Variants in SPATA33 observed in about 807,000 individuals in gnomAD.
SPATA33 encodes spermatogenesis-associated protein 33.
In SPATA33, 10 loss-of-function variants were observed where a neutral mutation model predicts 8.9. The ratio of observed to expected loss-of-function variants is 1.12; its 90% CI spans 0.69 to 1.90. The LOEUF is 1.90. Ranked by LOEUF, SPATA33 falls within the 40% of genes most tolerant of loss-of-function variation. SPATA33 has a pLI of 0.00. For synonymous variants in SPATA33, 96 were observed against 72.8 expected, an observed-to-expected ratio of 1.32 and a Z score of -1.63; for missense variants, 241 against 178.3, an observed-to-expected ratio of 1.35 and a Z score of -2.00.
Position 89,669,495 on chromosome 16 carries a change from T to C in SPATA33, c.421T>C (p.Ter141GlnextTer66), listed in dbSNP as rs1181524453. The C allele has an allele frequency of 6.2e-7, 1 of 1,612,200 alleles. No individual in the cohort carries two copies. The highest frequency in any genetic ancestry group is 1.1e-5 in the South Asian group (1 of 90,994). Residue 141 changes from the stop codon to glutamine (Q), a stop_lost, in exon 3 of 3, where the codon TAA becomes CAA. Transcript: ENST00000579310. ...ADAYNSHLKE[*>Q] ...CGCCTATAATTCACATCTCAAAGAA[T>C]AAACAAGCACCTTTGCATGGCACTC...
chr16:89,659,816 G>A (rs1401112834), intron 2 of SPATA33: 1 of 152,286 alleles, frequency 6.6e-6, no homozygotes, highest in Non-Finnish European at 1.5e-5. Flanking sequence ...GTAGGATCAA[G>A]GGCTGAAAGT....
At chr16:89,663,521 A>G (rs1436334837) in intron 2 of SPATA33, among the ~76,000 whole-genome samples, 1 of 152,234 alleles carries the variant, frequency 6.6e-6, no homozygotes, top group Admixed American at 6.5e-5. Flanking sequence ...CTAGGATTAC[A>G]GGCGTGAGCC....
intron 2 of SPATA33, among the ~76,000 whole-genome samples, chr16:89,668,524 A>G (rs1160741563): frequency 6.6e-6 from 1 of 152,218 alleles, no homozygotes; most frequent in East Asian, 1.9e-4. Context: ...CTGCTCTCCC[A>G]GAAGCCTGAA....
At chr16:89,665,099 G>A (rs534785074) in intron 2 of SPATA33, among the ~76,000 whole-genome samples, 1 of 151,514 alleles carries the variant, frequency 6.6e-6, no homozygotes, top group South Asian at 2.1e-4. Context: ...GGGCTCAAAC[G>A]ATTCTCCCAC....
At chr16:89,668,509 C>T (rs80164364) in intron 2 of SPATA33, among the ~76,000 whole-genome samples, 8,458 of 152,270 alleles carry the variant, frequency 0.056, 321 homozygotes, top group Middle Eastern at 0.14. Context: ...AGAGCCAGCT[C>T]CATCCTGCTC....
intron 2 of SPATA33, chr16:89,659,727 G>T (rs1250712584): frequency 1.3e-5 from 2 of 152,400 alleles, no homozygotes; most frequent in African/African-American, 4.8e-5. Context: ...ACTCGGGTCA[G>T]ACAAGAAAGA....
chr16:89,660,417 C>A, intron 2 of SPATA33: 1 of 1,209,930 alleles, frequency 8.3e-7, no homozygotes, highest in Non-Finnish European at 1.0e-6. Context: ...GTTGGAAGGG[C>A]CCCAGCAGTG....
intron 2 of SPATA33, among the ~76,000 whole-genome samples, chr16:89,662,323 C>G (rs749350228): frequency 3.3e-5 from 5 of 150,204 alleles, no homozygotes; most frequent in African/African-American, 1.2e-4. Flanking sequence ...AGGAAAAAAA[C>G]GAAGAAAGAA....
At chr16:89,667,755 A>T (rs1215074485) in intron 2 of SPATA33, among the ~76,000 whole-genome samples, 1 of 152,260 alleles carries the variant, frequency 6.6e-6, no homozygotes, top group African/African-American at 2.4e-5. Context: ...GCAGCACTGC[A>T]GGCAGAGGGG....
rs1215492350 is a variant in SPATA33, at chr16:89,669,440, C to T, written c.366C>T (p.Tyr122=). 2 of 1,613,910 alleles carry T rather than the reference C, an allele frequency of 1.2e-6. No homozygotes were observed. The highest frequency in any genetic ancestry group is 1.3e-5 in the African/African-American group (1 of 75,036). Residue 122 remains tyrosine, a synonymous_variant, in exon 3 of 3, where the codon TAC becomes TAT. Transcript: ENST00000579310. ...GGGAGCCGGAGGACTGGGGCCCCTACCGGCGGCACAGGAACCCCAGTACAG... is the reference window on the plus strand; with the variant it reads ...GGGAGCCGGAGGACTGGGGCCCCTATCGGCGGCACAGGAACCCCAGTACAG... The part of the protein sequence containing the change: ...TIREPEDWGP[Y]RRHRNPSTAD...
chr16:89,667,770 C>A (rs1269375858), intron 2 of SPATA33, among the ~76,000 whole-genome samples: 1 of 152,224 alleles, frequency 6.6e-6, no homozygotes, highest in Non-Finnish European at 1.5e-5. Context: ...GAGGGGGAGG[C>A]CAAGGCCTGA....
intron 2 of SPATA33, chr16:89,661,348 C>G (rs993568808): frequency 2.7e-6 from 1 of 376,570 alleles, no homozygotes; most frequent in Non-Finnish European, 3.7e-6. Flanking sequence ...TCACGAGATC[C>G]GATGGTTTTA....
intron 2 of SPATA33, among the ~76,000 whole-genome samples, chr16:89,668,241 G>A (rs1173997291): frequency 1.3e-5 from 2 of 151,712 alleles, no homozygotes; most frequent in African/African-American, 4.8e-5. Flanking sequence ...GAACTCAGGA[G>A]GTGGAGGTTG....
At chr16:89,662,581 G>A (rs532179607) in intron 2 of SPATA33, among the ~76,000 whole-genome samples, 2 of 151,956 alleles carry the variant, frequency 1.3e-5, no homozygotes, top group African/African-American at 2.4e-5. Flanking sequence ...CCGCCATGAC[G>A]CCCAGCTAAT....
chr16:89,659,677 C>T (rs1234977524), intron 2 of SPATA33: 2 of 151,336 alleles, frequency 1.3e-5, no homozygotes, highest in African/African-American at 4.9e-5. Context: ...CAGAGTGAGA[C>T]TCTGTCTCAG....
chr16:89,662,471 C>T, intron 2 of SPATA33, among the ~76,000 whole-genome samples: 1 of 151,094 alleles, frequency 6.6e-6, no homozygotes, highest in Middle Eastern at 3.2e-3. Flanking sequence ...GGCTGGAGTG[C>T]AATGGCATGA....
At chr16:89,661,234 C>T in intron 2 of SPATA33, 1 of 983,612 alleles carries the variant, frequency 1.0e-6, no homozygotes, top group East Asian at 1.1e-4. Flanking sequence ...TGTCCTCACC[C>T]AAATCTCATT....
chr16:89,658,560 G>C (rs1216612465), intron 2 of SPATA33, 139 bp downstream of exon 2: 1 of 1,175,418 alleles, frequency 8.5e-7, no homozygotes. Context: ...GGTTTGTTTT[G>C]GGAACTTTAT....
chr16:89,657,978 G>C, intron 1 of SPATA33, 30 bp downstream of exon 1: 1 of 1,505,342 alleles, frequency 6.6e-7, no homozygotes, highest in Non-Finnish European at 8.8e-7. Context: ...TGGGCTCCCC[G>C]CGTCTCCGCC....
Sources: gnomAD v4.1 joint callset for allele counts (sites outside exome capture counted in the v4.1 genomes callset) on GRCh38, gnomAD v4.1.1 for gene constraint, MANE v1.5 for transcripts, NCBI Gene and HGNC (gene_info 2026-07-23, HGNC 2026-07-21) for gene names.